Variants in LNX1 observed in about 807,000 individuals in gnomAD.
The protein encoded by LNX1 is E3 ubiquitin-protein ligase LNX.
Under a neutral mutation model 68.4 loss-of-function variants are expected in LNX1, and 54 were observed. The ratio of observed to expected loss-of-function variants is 0.79; its 90% CI spans 0.63 to 0.99. The LOEUF (loss-of-function observed/expected upper bound fraction) is 0.99. Among genes scored for constraint, LNX1 ranks in the 50% least tolerant of loss-of-function variants. The pLI is 0.00. For synonymous variants in LNX1, 336 were observed against 350.0 expected, an observed-to-expected ratio of 0.96 and a Z score of 0.45; for missense variants, 906 against 926.4, an observed-to-expected ratio of 0.98 and a Z score of 0.29.
intron 1 of LNX1, among the ~76,000 whole-genome samples, chr4:53,642,579 CA>C (rs1209977136): frequency 1.3e-5 from 2 of 152,116 alleles, no homozygotes; most frequent in Non-Finnish European, 2.9e-5. Flanking sequence ...TGCTTGGGGT[CA>C]AATCAATGCT....
intron 2 of LNX1, among the ~76,000 whole-genome samples, chr4:53,545,825 T>G (rs1300570997): frequency 1.2e-5 from 1 of 86,306 alleles, no homozygotes; most frequent in African/African-American, 4.3e-5. Context: ...TTTTTTTTTT[T>G]GAGACAGGGT....
At chr4:53,529,318 G>T (rs1727859191) in intron 2 of LNX1, among the ~76,000 whole-genome samples, 1 of 152,196 alleles carries the variant, frequency 6.6e-6, no homozygotes, top group South Asian at 2.1e-4. Context: ...GGAGCAGGCA[G>T]TGGGGACGGC....
intron 2 of LNX1, among the ~76,000 whole-genome samples, chr4:53,570,609 A>G (rs1479769101): frequency 1.3e-5 from 2 of 151,818 alleles, no homozygotes; most frequent in Non-Finnish European, 2.9e-5. Context: ...GCACATGTAT[A>G]CGTATGTAAC....
chr4:53,461,193 A>ATTCT, intron 10 of LNX1, 151 bp from the exon 11 acceptor site: 1 of 752,744 alleles, frequency 1.3e-6, no homozygotes, highest in South Asian at 2.1e-5. Context: ...TCTTATTTAC[A>ATTCT]TTCTCCAAAC....
intron 2 of LNX1, among the ~76,000 whole-genome samples, chr4:53,542,900 T>C (rs1034136358): frequency 1.3e-5 from 2 of 152,192 alleles, no homozygotes; most frequent in African/African-American, 4.8e-5. Context: ...AGGGAACTGA[T>C]GGTCATGAGC....
chr4:53,522,958 T>C (rs1356515868), intron 2 of LNX1: 1 of 152,240 alleles, frequency 6.6e-6, no homozygotes, highest in African/African-American at 2.4e-5. Flanking sequence ...GATTCTGCTA[T>C]CAATTATTAA....
chr4:53,461,204 T>C (rs907261881), intron 10 of LNX1, among the ~76,000 whole-genome samples, 162 bp from the exon 11 acceptor site: 8 of 152,142 alleles, frequency 5.3e-5, no homozygotes, highest in Non-Finnish European at 1.2e-4. Flanking sequence ...TTCTCCAAAC[T>C]CACTATCCAT....
At chr4:53,504,277 T>C (rs1360534303) in intron 4 of LNX1, among the ~76,000 whole-genome samples, 4 of 152,266 alleles carry the variant, frequency 2.6e-5, no homozygotes, top group Non-Finnish European at 4.4e-5. Context: ...ACAATCTGCA[T>C]TTGCTGCTTT....
intron 2 of LNX1, among the ~76,000 whole-genome samples, chr4:53,569,658 G>C (rs374713188): frequency 4.6e-5 from 7 of 151,296 alleles, no homozygotes; most frequent in Admixed American, 6.6e-5. Context: ...ACAAAATTGA[G>C]AAATGGGATC....
intron 6 of LNX1, among the ~76,000 whole-genome samples, chr4:53,493,204 T>G (rs1724827162): frequency 6.6e-6 from 1 of 152,044 alleles, no homozygotes; most frequent in Non-Finnish European, 1.5e-5. Context: ...ACTGACCTCA[T>G]GATCTGCCTG....
chr4:53,603,226 C>G (rs145765753), intron 2 of LNX1, among the ~76,000 whole-genome samples: 23 of 152,294 alleles, frequency 1.5e-4, no homozygotes, highest in African/African-American at 5.3e-4. Flanking sequence ...GCAGGGCTTC[C>G]TTGGGAGCCG....
At chr4:53,637,720 C>T (rs1032975127) in intron 1 of LNX1, among the ~76,000 whole-genome samples, 2 of 151,798 alleles carry the variant, frequency 1.3e-5, no homozygotes, top group Non-Finnish European at 2.9e-5. Context: ...ATTACATAAA[C>T]CAAAACACAG....
intron 9 of LNX1, among the ~76,000 whole-genome samples, chr4:53,464,572 G>A (rs1489746397): frequency 7.1e-6 from 1 of 141,092 alleles, no homozygotes; most frequent in Non-Finnish European, 1.6e-5. Context: ...AGTTATGAGA[G>A]AAATGCCGAG....
At chr4:53,542,490 C>T (rs73816562) in intron 2 of LNX1, among the ~76,000 whole-genome samples, 13,846 of 152,150 alleles carry the variant, frequency 0.091, 1,503 homozygotes, top group African/African-American at 0.26. Context: ...AGTGTCCTAA[C>T]AATCACCATC....
At chr4:53,644,033 C>T (rs992860626) in intron 1 of LNX1, among the ~76,000 whole-genome samples, 19 of 152,132 alleles carry the variant, frequency 1.2e-4, no homozygotes, top group African/African-American at 4.6e-4. Flanking sequence ...ATAATCCCTG[C>T]TCCTCAAAAG....
chr4:53,498,219 A>G (rs891613373), intron 5 of LNX1, among the ~76,000 whole-genome samples: 1 of 152,162 alleles, frequency 6.6e-6, no homozygotes, highest in African/African-American at 2.4e-5. Flanking sequence ...ATAAAATACA[A>G]AATGTTCTAT....
intron 5 of LNX1, among the ~76,000 whole-genome samples, chr4:53,496,850 G>T (rs1725103609): frequency 6.6e-6 from 1 of 152,130 alleles, no homozygotes; most frequent in Non-Finnish European, 1.5e-5. Flanking sequence ...TTCTCCCTGG[G>T]TCAACTCATA....
chr4:53,565,741 A>G (rs1371254052), intron 2 of LNX1, among the ~76,000 whole-genome samples: 1 of 149,414 alleles, frequency 6.7e-6, no homozygotes, highest in Non-Finnish European at 1.5e-5. Flanking sequence ...AAGAAGTTGA[A>G]AACTTTGAAA....
At chr4:53,550,931 T>C (rs1205604730) in intron 2 of LNX1, among the ~76,000 whole-genome samples, 1 of 152,138 alleles carries the variant, frequency 6.6e-6, no homozygotes, top group East Asian at 1.9e-4. Context: ...ACCTCCCCAC[T>C]TGAAAGCCTG....
Sources: allele counts gnomAD v4.1 joint callset (sites outside exome capture counted in the v4.1 genomes callset), GRCh38; gene constraint gnomAD v4.1.1; transcripts MANE v1.5; gene names NCBI Gene and HGNC (gene_info 2026-07-23, HGNC 2026-07-21).